The following SUCLA2 variants were observed in gnomAD, a reference collection of about 807,000 sequenced individuals.
The protein encoded by SUCLA2 is succinate-CoA ligase ADP-forming subunit beta.
In SUCLA2, 30 loss-of-function variants were observed where a neutral mutation model predicts 54.8. The ratio of observed to expected loss-of-function variants is 0.55; its 90% CI spans 0.41 to 0.74. SUCLA2 has a LOEUF of 0.74. SUCLA2 is among the 30% of genes least tolerant of loss of function. SUCLA2 has a pLI of 0.00. For missense variants in SUCLA2, 476 were observed against 562.9 expected, an observed-to-expected ratio of 0.85 and a Z score of 1.56; for synonymous variants, 172 against 188.9, an observed-to-expected ratio of 0.91 and a Z score of 0.74.
chr13:47,948,233 G>A (rs55845516), intron 10 of SUCLA2, among the ~76,000 whole-genome samples: 9,791 of 152,254 alleles, frequency 0.064, 373 homozygotes, highest in Middle Eastern at 0.095. Context: ...GGAGCTGACC[G>A]TTGTTTAAGA....
chr13:47,953,841 G>A (rs1348554747), intron 8 of SUCLA2, among the ~76,000 whole-genome samples: 1 of 151,844 alleles, frequency 6.6e-6, no homozygotes, highest in Non-Finnish European at 1.5e-5. Context: ...TAATATATAT[G>A]TCTTTTGAAT....
intron 1 of SUCLA2, among the ~76,000 whole-genome samples, chr13:47,998,296 T>TAAAAAAA (rs58573331): frequency 7.3e-6 from 1 of 136,188 alleles, no homozygotes. Context: ...ATAAATAAGT[T>TAAAAAAA]AAAAAAAAAA....
chr13:47,961,340 G>T (rs978144536), intron 6 of SUCLA2, among the ~76,000 whole-genome samples: 1 of 152,078 alleles, frequency 6.6e-6, no homozygotes, highest in African/African-American at 2.4e-5. Flanking sequence ...TTATTGCTTA[G>T]GAAAATTAGT....
chr13:47,994,786 T>C (rs1299369130), intron 2 of SUCLA2: 1 of 982,182 alleles, frequency 1.0e-6, no homozygotes, highest in Non-Finnish European at 1.2e-6. Context: ...GGGCTCAAAA[T>C]CAGAGCTGCC....
chr13:47,954,286 T>C lies in SUCLA2; in HGVS notation c.965-4A>G, dbSNP rs1406787235. ...ATAGCCAAACCAGCACCATTTACTA[T>C]ATAGGGGAAAATGATTTGTATAAGC... is the stretch of plus-strand genomic sequence containing the variant. On this transcript the variant is annotated splice_region_variant and splice_polypyrimidine_tract_variant and intron_variant, in intron 7 of 10. Transcript: ENST00000646932. The C allele has an allele frequency of 1.9e-6, 3 of 1,613,740 alleles. No individual in the cohort carries two copies. The African/African-American group carries it at 4.0e-5, about 22-fold the overall frequency.
intron 10 of SUCLA2, among the ~76,000 whole-genome samples, chr13:47,948,322 C>T (rs1390662388): frequency 6.6e-6 from 1 of 151,970 alleles, no homozygotes; most frequent in Non-Finnish European, 1.5e-5. Context: ...ATATATTTAT[C>T]GAATATATAG....
chr13:47,948,119 T>C (rs1031425413), intron 10 of SUCLA2, among the ~76,000 whole-genome samples: 1 of 152,184 alleles, frequency 6.6e-6, no homozygotes, highest in African/African-American at 2.4e-5. Flanking sequence ...TACAGATGCA[T>C]GATGAAATGT....
chr13:47,977,962 T>C (rs923837285), intron 4 of SUCLA2, among the ~76,000 whole-genome samples: 2 of 152,144 alleles, frequency 1.3e-5, no homozygotes, highest in African/African-American at 4.8e-5. Flanking sequence ...TTACAAGAGA[T>C]GTGAAGAACC....
chr13:47,981,257 G>A (rs749125509), intron 4 of SUCLA2, among the ~76,000 whole-genome samples: 2 of 151,832 alleles, frequency 1.3e-5, no homozygotes, highest in Non-Finnish European at 2.9e-5. Context: ...AACCAAAAAA[G>A]TAAAAAATAA....
intron 6 of SUCLA2, among the ~76,000 whole-genome samples, chr13:47,961,977 A>G (rs1192613469): frequency 6.6e-6 from 1 of 152,224 alleles, no homozygotes; most frequent in African/African-American, 2.4e-5. Flanking sequence ...CCTGGATTAG[A>G]GAGACCTTTC....
intron 2 of SUCLA2, among the ~76,000 whole-genome samples, chr13:47,991,173 C>T (rs1455688865): frequency 2.0e-5 from 3 of 152,230 alleles, no homozygotes; most frequent in African/African-American, 7.2e-5. Context: ...CACCATTCCT[C>T]TACTTAAAAC....
chr13:47,968,571 G>C, intron 6 of SUCLA2, 24 bp downstream of exon 6: 1 of 1,610,524 alleles, frequency 6.2e-7, no homozygotes, highest in Non-Finnish European at 8.5e-7. Flanking sequence ...GCATAATCAT[G>C]TTAGACAAAA....
Position 47,943,781 on chromosome 13 carries a change from T to TATATATATATATATATATATA in SUCLA2, c.1318-337_1318-336insTATATATATATATATATATAT, listed in dbSNP as rs879516106. ...GTGTGTGTGTGTATATATATATATA[T>TATATATATATATATATATATA]TATTCTAAATTTTATCTTAAAGACA... On this transcript the variant is annotated intron_variant, in intron 10 of 10. Coordinates refer to ENST00000646932, the MANE Select transcript of SUCLA2 (RefSeq NM_003850.3). Among the ~76,000 whole-genome samples, 6 of 147,578 alleles carry TATATATATATATATATATATA rather than the reference T, an allele frequency of 4.1e-5. No individual in the cohort carries two copies. The South Asian group carries it at 6.4e-4, about 16-fold the overall frequency.
chr13:47,958,198 C>T (rs1304763482), intron 6 of SUCLA2, among the ~76,000 whole-genome samples: 1 of 152,138 alleles, frequency 6.6e-6, no homozygotes, highest in Admixed American at 6.5e-5. Flanking sequence ...GAAAATCAAA[C>T]TGCCCTGAAA....
intron 4 of SUCLA2, among the ~76,000 whole-genome samples, chr13:47,981,597 A>T (rs1269339496): frequency 1.3e-5 from 2 of 152,216 alleles, no homozygotes; most frequent in Non-Finnish European, 2.9e-5. Context: ...CAGGCAGAAC[A>T]CCTGAAGTCA....
Position 47,952,015 on chromosome 13 carries a change from G to A in SUCLA2, c.1107+2125C>T, listed in dbSNP as rs553938868. Among the ~76,000 whole-genome samples the A allele has an allele frequency of 7.5e-5, 11 of 147,198 alleles. No homozygotes were observed. In the South Asian group the frequency reaches 2.4e-3, roughly 32 times the overall value. On this transcript the variant is annotated intron_variant, in intron 8 of 10. Transcript: ENST00000646932. ...AAAAAAAAAAAAAAAAAAAGTCCTG[G>A]AAGAGTAATCTCTCCTGGATATCTC... is the stretch of plus-strand genomic sequence containing the variant.
chr13:47,945,545 T>C (rs1402497601), intron 10 of SUCLA2, among the ~76,000 whole-genome samples: 1 of 151,622 alleles, frequency 6.6e-6, no homozygotes, highest in Non-Finnish European at 1.5e-5. Flanking sequence ...AAAATTCTCA[T>C]CTCTCTGTAT....
At position 47,946,410 on chromosome 13, in the gene SUCLA2, G is replaced by A. The variant is rs569880100; in HGVS notation, c.1317+2530C>T. ...AGCTTATGTTTTTAAGAAGTGGAAA[G>A]ATAAACCAAAACTTTCTTAAAAAAC... On this transcript the variant is annotated intron_variant, in intron 10 of 10. Transcript: ENST00000646932. 2.6e-5 allele frequency among the ~76,000 whole-genome samples: 4 copies of A among 151,684 alleles called. No homozygotes were observed. In the South Asian group the frequency reaches 8.3e-4, roughly 32 times the overall value.
At chr13:47,970,291 C>G (rs1413184389) in intron 5 of SUCLA2, among the ~76,000 whole-genome samples, 1 of 152,132 alleles carries the variant, frequency 6.6e-6, no homozygotes, top group Non-Finnish European at 1.5e-5. Flanking sequence ...TAATTCTGAT[C>G]AATCCATTAT....
Sources: allele counts gnomAD v4.1 joint callset (sites outside exome capture counted in the v4.1 genomes callset), GRCh38; gene constraint gnomAD v4.1.1; transcripts MANE v1.5; gene names NCBI Gene and HGNC (gene_info 2026-07-23, HGNC 2026-07-21).